TFB1M: variants seen among roughly 807,000 people sequenced by gnomAD.
The protein encoded by TFB1M is dimethyladenosine transferase 1, mitochondrial.
In TFB1M, 27 loss-of-function variants were observed where a neutral mutation model predicts 31.1. The observed-to-expected ratio is 0.87, with a 90% CI of 0.64 to 1.20. The LOEUF (loss-of-function observed/expected upper bound fraction) is 1.20. TFB1M is among the 50% of genes most tolerant of loss of function. TFB1M has a pLI of 0.00. For synonymous variants in TFB1M, 166 were observed against 151.8 expected, an observed-to-expected ratio of 1.09 and a Z score of -0.69; for missense variants, 394 against 418.7, an observed-to-expected ratio of 0.94 and a Z score of 0.51.
downstream of TFB1M, chr6:155,254,179 C>G (rs2115365066): frequency 1.7e-6 from 2 of 1,197,016 alleles, no homozygotes; most frequent in South Asian, 1.5e-5. Context: ...ACTCCCCACC[C>G]TCCGAAAAAG....
downstream of TFB1M, chr6:155,254,717 C>A: frequency 2.9e-6 from 3 of 1,030,886 alleles, no homozygotes; most frequent in Non-Finnish European, 4.2e-6. Flanking sequence ...CCTAAACATG[C>A]CTCTTGCTCC....
rs769760763 is a variant in TFB1M, at chr6:155,256,556, C to T, written c.*1280G>A. ...TGGACCGGTGAGACTGGCAAGGGAA[C>T]CTTGCTGGACTCTGACGAGGGCAGC... is the stretch of plus-strand genomic sequence containing the variant. On this transcript the variant is annotated 3_prime_UTR_variant, in exon 7 of 7. Transcript: ENST00000367166. The T allele has an allele frequency of 2.5e-6, 4 of 1,614,084 alleles. No individual in the cohort carries two copies. The highest frequency in any genetic ancestry group is 2.5e-6 in the Non-Finnish European group (3 of 1,180,046).
At chr6:155,246,838 G>A in the TFB1M span, among the ~76,000 whole-genome samples, 1 of 152,214 alleles carries the variant, frequency 6.6e-6, no homozygotes, top group African/African-American at 2.4e-5. Flanking sequence ...CTCCTAGAAT[G>A]TTGTAGATTT....
the TFB1M span, chr6:155,251,093 C>T: frequency 2.3e-6 from 3 of 1,309,508 alleles, no homozygotes; most frequent in African/African-American, 2.9e-5. Context: ...CTAGCCGCAC[C>T]AGTCCAGCTC....
chr6:155,249,422 C>T, the TFB1M span, among the ~76,000 whole-genome samples: 1 of 152,200 alleles, frequency 6.6e-6, no homozygotes, highest in Non-Finnish European at 1.5e-5. Context: ...AGCCTGGCTC[C>T]ATTCTTGTGT....
At chr6:155,296,691 G>T (rs554831896) in intron 4 of TFB1M, among the ~76,000 whole-genome samples, 1 of 152,258 alleles carries the variant, frequency 6.6e-6, no homozygotes, top group African/African-American at 2.4e-5. Flanking sequence ...TTCTCCAGTG[G>T]CATCGATGGC....
At chr6:155,305,175 T>TATATATAA (rs1434321528) in intron 2 of TFB1M, among the ~76,000 whole-genome samples, 3 of 81,134 alleles carry the variant, frequency 3.7e-5, no homozygotes, top group Non-Finnish European at 6.2e-5. Flanking sequence ...TATATATTTA[T>TATATATAA]ATATATATTA....
chr6:155,248,206 G>A, the TFB1M span: 19 of 1,606,636 alleles, frequency 1.2e-5, no homozygotes, highest in Non-Finnish European at 1.4e-5. Context: ...ACCTCCGGGC[G>A]AGGGCCTGCA....
chr6:155,244,788 G>GT, the TFB1M span: 1 of 1,602,054 alleles, frequency 6.2e-7, no homozygotes, highest in Non-Finnish European at 8.5e-7. Flanking sequence ...TTTAGAGTAA[G>GT]TATCTCAGAT....
At chr6:155,308,781 T>C (rs1290391138) in intron 2 of TFB1M, among the ~76,000 whole-genome samples, 1 of 152,206 alleles carries the variant, frequency 6.6e-6, no homozygotes, top group Non-Finnish European at 1.5e-5. Context: ...TTATAAATTA[T>C]TACAATTTCT....
At chr6:155,287,252 T>C (rs1562408591) in intron 4 of TFB1M, among the ~76,000 whole-genome samples, 1 of 152,154 alleles carries the variant, frequency 6.6e-6, no homozygotes, top group Admixed American at 6.5e-5. Context: ...GCTGAAGCTG[T>C]GTAAAACCTC....
chr6:155,293,157 T>TCACACATA (rs1554255950), intron 4 of TFB1M, among the ~76,000 whole-genome samples: 1 of 151,238 alleles, frequency 6.6e-6, no homozygotes, highest in Non-Finnish European at 1.5e-5. Context: ...ACTTTAAATA[T>TCACACATA]CATACATACA....
At chr6:155,304,828 C>A (rs1258008022) in intron 2 of TFB1M, among the ~76,000 whole-genome samples, 1 of 151,680 alleles carries the variant, frequency 6.6e-6, no homozygotes, top group Admixed American at 6.6e-5. Context: ...AGTCTTCAGT[C>A]TATAGTAATA....
At chr6:155,263,563 G>C (rs1022269179) in intron 5 of TFB1M, among the ~76,000 whole-genome samples, 1 of 152,186 alleles carries the variant, frequency 6.6e-6, no homozygotes, top group Non-Finnish European at 1.5e-5. Context: ...TTCCAGGCCA[G>C]GGTGTCTAGG....
At chr6:155,265,722 T>A (rs2114680104) in intron 5 of TFB1M, among the ~76,000 whole-genome samples, 1 of 145,948 alleles carries the variant, frequency 6.9e-6, no homozygotes, top group African/African-American at 2.5e-5. Context: ...TATTTATATA[T>A]AATATAAATA....
At chr6:155,259,403 T>C (rs1225371346) in intron 6 of TFB1M, among the ~76,000 whole-genome samples, 1 of 152,256 alleles carries the variant, frequency 6.6e-6, no homozygotes, top group Non-Finnish European at 1.5e-5. Context: ...GCTTCTGCCA[T>C]CTGGCATCCT....
At chr6:155,272,653 A>ATAT (rs1337432099) in intron 5 of TFB1M, among the ~76,000 whole-genome samples, 1 of 152,138 alleles carries the variant, frequency 6.6e-6, no homozygotes, top group Non-Finnish European at 1.5e-5. Context: ...AAATGCCAGT[A>ATAT]TATTTGTATG....
intron 5 of TFB1M, among the ~76,000 whole-genome samples, chr6:155,265,086 A>G (rs1784565898): frequency 6.6e-6 from 1 of 152,230 alleles, no homozygotes; most frequent in Non-Finnish European, 1.5e-5. Flanking sequence ...GTGTCTGTGA[A>G]GCAGCAGCAT....
chr6:155,263,442 G>C (rs1417415890), intron 5 of TFB1M, among the ~76,000 whole-genome samples: 3 of 152,070 alleles, frequency 2.0e-5, no homozygotes, highest in Admixed American at 6.5e-5. Context: ...GATTTAAAAT[G>C]AATTTAAATA....
Sources: allele counts gnomAD v4.1 joint callset (sites outside exome capture counted in the v4.1 genomes callset), GRCh38; gene constraint gnomAD v4.1.1; transcripts MANE v1.5; gene names NCBI Gene and HGNC (gene_info 2026-07-23, HGNC 2026-07-21).